DNMT3B: variants seen among roughly 807,000 people sequenced by gnomAD.
DNMT3B encodes DNA (cytosine-5)-methyltransferase 3B.
A neutral mutation model predicts 120.2 loss-of-function variants in DNMT3B; 37 were observed. The ratio of observed to expected loss-of-function variants is 0.31; its 90% confidence interval spans 0.24 to 0.40. The LOEUF is 0.40. DNMT3B is among the 10% of genes least tolerant of loss of function. The probability of loss-of-function intolerance (pLI) is 1.00; values close to 1 mark genes in which losing one functional copy is unlikely to be tolerated. For synonymous variants in DNMT3B, 412 were observed against 442.8 expected (o/e 0.93, Z 0.87); for missense variants, 878 against 1,137.3 (o/e 0.77, Z 3.28).
intron 1 of DNMT3B, among the ~76,000 whole-genome samples, chr20:32,763,966 T>C (rs756001643): frequency 2.6e-4 from 39 of 152,260 alleles, no homozygotes; most frequent in Non-Finnish European, 4.8e-4. Flanking sequence ...CTACCAGGCC[T>C]GCTGGGGCTT....
chr20:32,788,740 C>T, intron 6 of DNMT3B, 114 bp from the exon 7 acceptor site: 1 of 1,355,770 alleles, frequency 7.4e-7, no homozygotes, highest in South Asian at 1.2e-5. Context: ...TGTCTGGCTA[C>T]ATCTTGCATT....
Position 32,791,601 on chromosome 20 carries a change from G to A in DNMT3B, c.814G>A (p.Val272Ile), listed in dbSNP as rs757314027. ...QWFGDGKFSE[V>I]SADKLVALGL... is the part of the protein sequence containing the mutation. ...TGTTGATGATGTCTTTCTCTTTTAGGTCTCTGCAGACAAACTGGTGGCACT... is the reference window on the plus strand; with the variant it reads ...TGTTGATGATGTCTTTCTCTTTTAGATCTCTGCAGACAAACTGGTGGCACT... Residue 272 changes from valine to isoleucine, a missense_variant and splice_region_variant, in exon 8 of 23, where the codon GTC (valine) becomes ATC (isoleucine). This residue lies in a region of DNMT3B where 50 missense variants were observed against 89.7 expected (regional missense o/e 0.56). Transcript: ENST00000328111. 4 of 1,613,972 alleles carry A rather than the reference G, an allele frequency of 2.5e-6. No homozygotes were observed. The highest frequency in any genetic ancestry group is 3.3e-5 in the Admixed American group (2 of 59,980).
intron 1 of DNMT3B, among the ~76,000 whole-genome samples, chr20:32,772,253 T>G (rs1049882361): frequency 6.6e-6 from 1 of 152,124 alleles, no homozygotes; most frequent in Non-Finnish European, 1.5e-5. Context: ...ATATAGACAT[T>G]AGGCATTTTA....
chr20:32,767,909 G>T (rs1204650570), intron 1 of DNMT3B, among the ~76,000 whole-genome samples: 3 of 152,230 alleles, frequency 2.0e-5, no homozygotes, highest in African/African-American at 7.2e-5. Flanking sequence ...CCTGTTGTAT[G>T]TGTGTGTTCT....
chr20:32,770,645 G>C (rs1434481994), intron 1 of DNMT3B, among the ~76,000 whole-genome samples: 1 of 138,506 alleles, frequency 7.2e-6, no homozygotes, highest in Admixed American at 7.6e-5. Flanking sequence ...ACAGAGTTTC[G>C]CTCTTTGCCC....
chr20:32,772,753 T>TA (rs2145867018), intron 1 of DNMT3B, among the ~76,000 whole-genome samples: 1 of 152,318 alleles, frequency 6.6e-6, no homozygotes, highest in South Asian at 2.1e-4. Context: ...TTTTTCCTGT[T>TA]ACTTATCTAA....
At chr20:32,807,704 G>A in intron 22 of DNMT3B, 58 bp from the exon 23 acceptor site, 1 of 1,610,508 alleles carries the variant, frequency 6.2e-7, no homozygotes, top group Non-Finnish European at 8.5e-7. Flanking sequence ...GCTGGTTGAG[G>A]CTGTCAACAT....
chr20:32,800,816 C>T lies in DNMT3B; in HGVS notation c.1906-19C>T, dbSNP rs1601127810. On this transcript the variant is annotated intron_variant, in intron 17 of 22. Transcript: ENST00000328111. ...CCCTCTGTCCACACCCTCATCCTGA[C>T]TCTGTCTCTCTCTTTCAGATTGAAG... The T allele has an allele frequency of 6.2e-7, 1 of 1,613,114 alleles. No individual in the cohort carries two copies. Among genetic ancestry groups the T allele is most frequent in the Non-Finnish European group, 8.5e-7 (1 of 1,179,070 alleles).
Position 32,784,869 on chromosome 20 carries a change from C to T in DNMT3B, c.306+10C>T, listed in dbSNP as rs766907252. The T allele has an allele frequency of 1.2e-6, 2 of 1,613,964 alleles. No homozygotes were observed. Among genetic ancestry groups the T allele is most frequent in the Admixed American group, 1.7e-5 (1 of 60,000 alleles). ...TTCAGAAAGCCCAGCTGTAAGTAGCCACACCTCGAGCCAAAGCACTTGTGG... is the reference window on the plus strand; with the variant it reads ...TTCAGAAAGCCCAGCTGTAAGTAGCTACACCTCGAGCCAAAGCACTTGTGG... On this transcript the variant is annotated intron_variant, in intron 4 of 22. Transcript: ENST00000328111.
At chr20:32,769,812 A>G (rs1303236400) in intron 1 of DNMT3B, among the ~76,000 whole-genome samples, 1 of 152,084 alleles carries the variant, frequency 6.6e-6, no homozygotes, top group African/African-American at 2.4e-5. Context: ...CAGTGGCACG[A>G]TTTGGCACAT....
In DNMT3B at chr20:32,784,854, C is replaced by T. The variant is rs751163668; in HGVS notation, c.301C>T (p.Pro101Ser). The change falls in exon 4 of 23, where the codon CCA becomes TCA. Residue 101 changes from proline to serine, a missense_variant. Physicochemically the swap from Pro to Ser is moderately conservative, Grantham distance 74. This residue lies in a region of DNMT3B where 287 missense variants were observed against 306.2 expected (regional missense o/e 0.94). Coordinates refer to ENST00000328111, the MANE Select transcript of DNMT3B (RefSeq NM_006892.4). ...FRETRTRSES[P>S]AVRTRNNNSV... ...GGAAACCAGGACTCGTTCAGAAAGC[C>T]CAGCTGTAAGTAGCCACACCTCGAG... is the stretch of plus-strand genomic sequence containing the variant. 1.5e-5 allele frequency: 24 copies of T among 1,613,974 alleles called. No individual in the cohort carries two copies. The African/African-American group carries it at 3.2e-4, about 22-fold the overall frequency.
chr20:32,804,478 C>G (rs117283189), intron 20 of DNMT3B, among the ~76,000 whole-genome samples: 1,565 of 152,244 alleles, frequency 0.01, 17 homozygotes, highest in Non-Finnish European at 0.018. Flanking sequence ...GCACGGTTCC[C>G]GTTCTCATGT....
rs564690503 is a variant in DNMT3B, at chr20:32,771,684, G to T, written c.-6-8634G>T. Among the ~76,000 whole-genome samples, 5 of 141,024 alleles carry T rather than the reference G, an allele frequency of 3.5e-5. No homozygotes were observed. In the East Asian group the frequency reaches 6.5e-4, roughly 18 times the overall value. The allele number at this position is 141,024 out of a possible 152,430, so 92.5% of individuals were successfully genotyped here. A position where few individuals can be genotyped will look rare whatever the true frequency, so the allele number is the denominator to read the frequency against. On this transcript the variant is annotated intron_variant, in intron 1 of 22. Transcript: ENST00000328111. The stretch of plus-strand genomic sequence containing the variant: ...GGTAAAGGATAAATACCAAACAAAA[G>T]TGAGCCTCAAAACATATTACATATA...
chr20:32,790,941 C>A lies in DNMT3B; in HGVS notation c.814-660C>A, dbSNP rs966966885. ...ACTCCCAAAGTGCTGGGAATATAGG[C>A]CTGAGCCACTACGTCTGGCCTTTCA... On this transcript the variant is annotated intron_variant, in intron 7 of 22. Transcript: ENST00000328111. Among the ~76,000 whole-genome samples the A allele has an allele frequency of 2.0e-5, 3 of 152,144 alleles. No individual in the cohort carries two copies. In the South Asian group the frequency reaches 6.2e-4, roughly 32 times the overall value.
At chr20:32,806,521 G>A (rs1181436124) in intron 22 of DNMT3B, among the ~76,000 whole-genome samples, 194 bp downstream of exon 22, 1 of 152,190 alleles carries the variant, frequency 6.6e-6, no homozygotes, top group Non-Finnish European at 1.5e-5. Context: ...GTGGTGGTGA[G>A]GAATCTGAGA....
chr20:32,777,396 G>T (rs547757413), intron 1 of DNMT3B, among the ~76,000 whole-genome samples: 1 of 152,166 alleles, frequency 6.6e-6, no homozygotes, highest in African/African-American at 2.4e-5. Context: ...TGAGACTCCT[G>T]TCTGGCTTCT....
At position 32,787,354 on chromosome 20, in the gene DNMT3B, C is replaced by G. The variant is rs1979439434; in HGVS notation, c.557C>G (p.Thr186Ser). The change falls in exon 6 of 23, where the codon ACC (threonine) becomes AGC (serine). Residue 186 changes from threonine to serine, a missense_variant. By Grantham distance (58) the Thr-to-Ser change is moderately conservative (BLOSUM62 1). Coordinates refer to ENST00000328111, the MANE Select transcript of DNMT3B (RefSeq NM_006892.4). ...DTHGTPQSSS[T>S]PYARLAQDSQ... ...CATGGGACGCCCCAGAGCAGCAGTA[C>G]CCCCTACGCCCGCCTAGCCCAGGAC... The G allele has an allele frequency of 1.2e-6, 2 of 1,614,104 alleles. No individual in the cohort carries two copies. Among genetic ancestry groups the G allele is most frequent in the Non-Finnish European group, 8.5e-7 (1 of 1,180,052 alleles).
rs763489815 is a variant in DNMT3B, at chr20:32,805,361, A to T, written c.2255A>T (p.Asp752Val). 1 of 1,614,166 alleles carries T rather than the reference A, an allele frequency of 6.2e-7. No individual in the cohort carries two copies. Reference sequence around the variant, plus strand: ...AGGCCCGTGATAGCATCAAAGAATGATAAACTCGAGCTGCAGGACTGCTTG... The same window carrying T: ...AGGCCCGTGATAGCATCAAAGAATGTTAAACTCGAGCTGCAGGACTGCTTG... ...MNRPVIASKN[D>V]KLELQDCLEY... The change falls in exon 21 of 23, where the codon GAT becomes GTT. Residue 752 changes from aspartate to valine, a missense_variant. This residue lies in a region of DNMT3B where 334 missense variants were observed against 518.8 expected (regional missense o/e 0.64). Coordinates refer to ENST00000328111, the MANE Select transcript of DNMT3B (RefSeq NM_006892.4).
intron 22 of DNMT3B, 124 bp downstream of exon 22, chr20:32,806,451 GTAA>G: frequency 1.1e-6 from 1 of 900,748 alleles, no homozygotes; most frequent in Non-Finnish European, 1.8e-6. Context: ...GGGGCGAGGA[GTAA>G]TAATACCTTT....
Sources: allele counts gnomAD v4.1 joint callset (sites outside exome capture counted in the v4.1 genomes callset), GRCh38; gene constraint gnomAD v4.1.1; regional missense constraint gnomAD v4.1.1; transcripts MANE v1.5; gene names NCBI Gene and HGNC (gene_info 2026-07-23, HGNC 2026-07-21).